The following CASQ2 variants were observed in gnomAD, a reference collection of about 807,000 sequenced individuals.
The protein encoded by CASQ2 is calsequestrin-2.
CASQ2 carries 49 observed loss-of-function variants against 46.5 expected under a neutral mutation model. The ratio of observed to expected loss-of-function variants is 1.05; its 90% confidence interval spans 0.84 to 1.34. The LOEUF is 1.34. Among genes scored for constraint, CASQ2 ranks in the 40% most tolerant of loss-of-function variants. The probability of loss-of-function intolerance (pLI) is 0.00; values close to 1 mark genes in which losing one functional copy is unlikely to be tolerated. For missense variants in CASQ2, 486 were observed against 481.3 expected (o/e 1.01, Z -0.09); for synonymous variants, 174 against 168.5 (o/e 1.03, Z -0.25).
intron 4 of CASQ2, among the ~76,000 whole-genome samples, chr1:115,737,761 C>T (rs1175133009): frequency 1.3e-5 from 2 of 152,192 alleles, no homozygotes; most frequent in Non-Finnish European, 2.9e-5. Flanking sequence ...CAGCTGTGGG[C>T]TTGGCCAGCG....
chr1:115,712,690 T>TA (rs1216501287), intron 8 of CASQ2, among the ~76,000 whole-genome samples: 1 of 151,950 alleles, frequency 6.6e-6, no homozygotes, highest in Non-Finnish European at 1.5e-5. Flanking sequence ...TTTGGGAGGC[T>TA]ATTGAAAATA....
At chr1:115,747,107 T>C (rs6687862) in intron 1 of CASQ2, among the ~76,000 whole-genome samples, 41,611 of 152,082 alleles carry the variant, frequency 0.27, 6,085 homozygotes, top group East Asian at 0.43. Flanking sequence ...AAAAATTTTA[T>C]AGTTTTTCAT....
intron 2 of CASQ2, among the ~76,000 whole-genome samples, chr1:115,742,978 C>T (rs550821620): frequency 1.3e-5 from 2 of 151,762 alleles, no homozygotes; most frequent in East Asian, 2.0e-4. Flanking sequence ...TTAGTAGAGA[C>T]GGGGTTTCAC....
intron 7 of CASQ2, among the ~76,000 whole-genome samples, 189 bp downstream of exon 7, chr1:115,725,319 G>A (rs752163682): frequency 3.9e-5 from 6 of 151,962 alleles, no homozygotes; most frequent in Non-Finnish European, 8.8e-5. Context: ...CCCTGGCCCC[G>A]GCCTCCCAGA....
At chr1:115,738,426 G>T in intron 3 of CASQ2, 91 bp from the exon 4 acceptor site, 1 of 870,844 alleles carries the variant, frequency 1.1e-6, no homozygotes, top group Non-Finnish European at 2.0e-6. Context: ...AAGTTGTAGC[G>T]GACTTTGTGG....
chr1:115,753,620 C>T (rs1356463618), intron 1 of CASQ2, among the ~76,000 whole-genome samples: 1 of 152,166 alleles, frequency 6.6e-6, no homozygotes, highest in African/African-American at 2.4e-5. Flanking sequence ...GCGTGACTGC[C>T]GCTGGGGCTC....
At chr1:115,759,863 C>A (rs1011947172) in intron 1 of CASQ2, among the ~76,000 whole-genome samples, 20 of 152,144 alleles carry the variant, frequency 1.3e-4, no homozygotes, top group Non-Finnish European at 7.3e-5. Context: ...ACCAAATAGA[C>A]GCATGTCTTC....
chr1:115,728,432 GT>G (rs1255531483), intron 5 of CASQ2, among the ~76,000 whole-genome samples: 13 of 152,098 alleles, frequency 8.5e-5, no homozygotes, highest in Admixed American at 2.0e-4. Flanking sequence ...GAGATGTGGA[GT>G]TTTTTCTAAC....
chr1:115,713,616 A>G (rs944209225), intron 8 of CASQ2, among the ~76,000 whole-genome samples: 1 of 152,138 alleles, frequency 6.6e-6, no homozygotes, highest in East Asian at 1.9e-4. Flanking sequence ...GCTGCTGTGT[A>G]ATCTTAGATC....
chr1:115,753,373 G>C (rs544858911), intron 1 of CASQ2, among the ~76,000 whole-genome samples: 161 of 152,318 alleles, frequency 1.1e-3, no homozygotes, highest in African/African-American at 3.7e-3. Context: ...AGTGACTCCA[G>C]AGTCACAAAG....
intron 1 of CASQ2, among the ~76,000 whole-genome samples, chr1:115,756,967 T>TA (rs1305874994): frequency 7.3e-5 from 11 of 150,954 alleles, no homozygotes; most frequent in African/African-American, 1.2e-4. Flanking sequence ...AATAAATAAA[T>TA]AAAAAAAAAC....
At chr1:115,701,633 T>C (rs1654209235) in intron 10 of CASQ2, among the ~76,000 whole-genome samples, 1 of 152,230 alleles carries the variant, frequency 6.6e-6, no homozygotes, top group Admixed American at 6.5e-5. Flanking sequence ...GTGTATTCCA[T>C]TGCCCAGTGG....
chr1:115,701,901 C>A (rs1414765386), intron 10 of CASQ2, among the ~76,000 whole-genome samples: 2 of 151,946 alleles, frequency 1.3e-5, no homozygotes, highest in Non-Finnish European at 2.9e-5. Flanking sequence ...GGGAGAAAGA[C>A]ATTGCTAACT....
chr1:115,722,745 G>A (rs575099590), intron 7 of CASQ2, among the ~76,000 whole-genome samples: 16 of 152,206 alleles, frequency 1.1e-4, no homozygotes, highest in Non-Finnish European at 1.5e-5. Flanking sequence ...CAAATTAAAG[G>A]TGACTAAGGA....
At chr1:115,750,243 A>G (rs1344874574) in intron 1 of CASQ2, among the ~76,000 whole-genome samples, 2 of 152,164 alleles carry the variant, frequency 1.3e-5, no homozygotes, top group Non-Finnish European at 2.9e-5. Context: ...TTCCCAGAAA[A>G]CTAGTACAGA....
At chr1:115,727,144 C>T (rs1051208569) in intron 5 of CASQ2, 22 bp from the exon 6 acceptor site, 1 of 1,580,406 alleles carries the variant, frequency 6.3e-7, no homozygotes, top group Non-Finnish European at 8.7e-7. Context: ...AGAAATAAGA[C>T]AAAGTTTATT....
intron 7 of CASQ2, among the ~76,000 whole-genome samples, chr1:115,722,649 AG>A (rs1451304692): frequency 6.6e-6 from 1 of 152,222 alleles, no homozygotes. Context: ...CTGAAGATAA[AG>A]CCACAGCAGA....
chr1:115,754,963 G>A (rs1648709140), intron 1 of CASQ2, among the ~76,000 whole-genome samples: 1 of 152,222 alleles, frequency 6.6e-6, no homozygotes, highest in Non-Finnish European at 1.5e-5. Flanking sequence ...CCACCCCAGA[G>A]TTTCTGATTC....
Position 115,707,329 on chromosome 1 carries a change from A to T in CASQ2, c.839-2037T>A, listed in dbSNP as rs141515235. 4.7e-3 allele frequency among the ~76,000 whole-genome samples: 717 copies of T among 152,306 alleles called. 6 individuals are homozygous for T. The highest frequency in any genetic ancestry group is 0.016 in the African/African-American group (682 of 41,568). On this transcript the variant is annotated intron_variant, in intron 8 of 10. Transcript: ENST00000261448. ...ATGTGAGTCACTGTGTCAGGCCTAG[A>T]AGGGGTCTTTATGGCCGGTGGCCAC...
Sources: gnomAD v4.1 joint callset for allele counts (sites outside exome capture counted in the v4.1 genomes callset) on GRCh38, gnomAD v4.1.1 for gene constraint, MANE v1.5 for transcripts, NCBI Gene and HGNC (gene_info 2026-07-23, HGNC 2026-07-21) for gene names.